The following NBEAL1 variants were observed in gnomAD, a reference collection of about 807,000 sequenced individuals.
NBEAL1 encodes the protein neurobeachin like 1.
In NBEAL1, 273 loss-of-function variants were observed where a neutral mutation model predicts 351.3. The ratio of observed to expected loss-of-function variants is 0.78; its 90% confidence interval spans 0.70 to 0.86. The LOEUF (loss-of-function observed/expected upper bound fraction) is 0.86. NBEAL1 is among the 40% of genes least tolerant of loss of function. The pLI is 0.00. For missense variants in NBEAL1, 2,961 were observed against 3,201.3 expected, an observed-to-expected ratio of 0.92 and a Z score of 1.81; for synonymous variants, 1,050 against 1,086.4, an observed-to-expected ratio of 0.97 and a Z score of 0.66.
chr2:203,085,457 C>G (rs781189293), intron 10 of NBEAL1: 1 of 152,270 alleles, frequency 6.6e-6, no homozygotes, highest in Non-Finnish European at 1.5e-5. Context: ...GTATCAGACA[C>G]TTTTCTTTTG....
Position 203,136,108 on chromosome 2 carries a change from T to C in NBEAL1, c.4245T>C (p.Ser1415=), listed in dbSNP as rs759149802. Residue 1415 remains serine (S), a synonymous_variant, in exon 28 of 56, where the codon AGT becomes AGC. Transcript: ENST00000683969. The part of the protein sequence containing the change: ...SGIDSCEMSD[S]GSQVPDSLPS... ...TTGACTCATGTGAAATGAGTGATAGTGGAAGTCAAGTGCCAGACAGTCTGC... is the reference window on the plus strand; with the variant it reads ...TTGACTCATGTGAAATGAGTGATAGCGGAAGTCAAGTGCCAGACAGTCTGC... 1 of 1,614,196 alleles carries C rather than the reference T, an allele frequency of 6.2e-7. No homozygotes were observed. Among genetic ancestry groups the C allele is most frequent in the Non-Finnish European group, 8.5e-7 (1 of 1,180,034 alleles).
chr2:203,135,188 T>C (rs1335611777), intron 27 of NBEAL1, among the ~76,000 whole-genome samples: 10 of 151,638 alleles, frequency 6.6e-5, no homozygotes, highest in Non-Finnish European at 1.0e-4. Flanking sequence ...AAAAAAAACT[T>C]AACTTTCCCT....
In NBEAL1 at chr2:203,126,107, A is replaced by G. The variant is rs768044330; in HGVS notation, c.2985+14A>G. ...TTACTTCAGAAGGTGAGCCAGTCTAACATTGTGTTGATGTAGCTAATAATT... is the reference window on the plus strand; with the variant it reads ...TTACTTCAGAAGGTGAGCCAGTCTAGCATTGTGTTGATGTAGCTAATAATT... On this transcript the variant is annotated intron_variant, in intron 21 of 55. Coordinates refer to ENST00000683969, the MANE Select transcript of NBEAL1 (RefSeq NM_001378026.1). 29 of 1,530,970 alleles carry G rather than the reference A, an allele frequency of 1.9e-5. No homozygotes were observed. Among genetic ancestry groups the G allele is most frequent in the Non-Finnish European group, 2.5e-5 (28 of 1,139,940 alleles). The allele number at this position is 1,530,970 out of a possible 1,614,324, so 94.8% of individuals were successfully genotyped here.
intron 7 of NBEAL1, among the ~76,000 whole-genome samples, chr2:203,070,592 G>T (rs557978256): frequency 1.4e-3 from 208 of 152,204 alleles, no homozygotes; most frequent in Non-Finnish European, 2.7e-3. Context: ...ATAAAGAAAA[G>T]AGGTTTAATT....
Position 203,108,181 on chromosome 2 carries a change from T to A in NBEAL1, c.1942T>A (p.Leu648Met). 2 of 1,546,968 alleles carry A rather than the reference T, an allele frequency of 1.3e-6. No individual in the cohort carries two copies. Among genetic ancestry groups the A allele is most frequent in the Non-Finnish European group, 1.7e-6 (2 of 1,143,548 alleles). Reference protein sequence around the residue: ...IANKGGKRKQLYSFFTGSGMG... With the variant: ...IANKGGKRKQMYSFFTGSGMG... ...TAACAAAGGAGGGAAAAGGAAACAA[T>A]TGTACAGGTATTGGTAAAAATTATG... Residue 648 changes from leucine (L) to methionine (M), a missense_variant, in exon 14 of 56, where the codon TTG (leucine) becomes ATG (methionine). Coordinates refer to ENST00000683969, the MANE Select transcript of NBEAL1 (RefSeq NM_001378026.1).
chr2:203,099,951 A>T (rs777156179), intron 12 of NBEAL1, among the ~76,000 whole-genome samples: 2 of 152,030 alleles, frequency 1.3e-5, no homozygotes, highest in Non-Finnish European at 2.9e-5. Flanking sequence ...TTGTGTCCAT[A>T]TGAACTCAGT....
At chr2:203,176,563 C>G (rs1322445313) in intron 42 of NBEAL1, among the ~76,000 whole-genome samples, 1 of 151,676 alleles carries the variant, frequency 6.6e-6, no homozygotes, top group Non-Finnish European at 1.5e-5. Flanking sequence ...AACCCCGTCT[C>G]TACTAAAAAT....
intron 40 of NBEAL1, among the ~76,000 whole-genome samples, chr2:203,172,353 T>C (rs2106412504): frequency 6.6e-6 from 1 of 152,144 alleles, no homozygotes; most frequent in South Asian, 2.1e-4. Context: ...AAACCCCGTC[T>C]CTACTAAAAA....
At position 203,201,727 on chromosome 2, in the gene NBEAL1, C is replaced by A; in HGVS notation, c.7411+12C>A. 1 of 1,551,020 alleles carries A rather than the reference C, an allele frequency of 6.4e-7. No homozygotes were observed. Among genetic ancestry groups the A allele is most frequent in the South Asian group, 1.2e-5 (1 of 82,710 alleles). On this transcript the variant is annotated intron_variant, in intron 50 of 55. Transcript: ENST00000683969. ...CATCCGGCATATGGGTAAGCATTAG[C>A]TTTTTTTCCAAAAATGCTCAAAAAT...
chr2:203,089,574 A>G (rs565699635), intron 10 of NBEAL1, among the ~76,000 whole-genome samples: 1 of 152,332 alleles, frequency 6.6e-6, no homozygotes, highest in South Asian at 2.1e-4. Flanking sequence ...GCTCAAACAA[A>G]TACAATAACT....
At chr2:203,132,199 C>A in intron 26 of NBEAL1, 67 bp downstream of exon 26, 1 of 960,372 alleles carries the variant, frequency 1.0e-6, no homozygotes, top group Non-Finnish European at 1.5e-6. Context: ...TTTTTCATAC[C>A]TTTCTCAGGC....
intron 34 of NBEAL1, among the ~76,000 whole-genome samples, chr2:203,150,479 G>A (rs1244547940): frequency 6.6e-6 from 1 of 151,848 alleles, no homozygotes; most frequent in Non-Finnish European, 1.5e-5. Flanking sequence ...TCATATATAT[G>A]ATTTTCAGGT....
intron 47 of NBEAL1, among the ~76,000 whole-genome samples, chr2:203,195,180 C>CAAA (rs758936224): frequency 1.6e-5 from 2 of 124,318 alleles, no homozygotes; most frequent in Non-Finnish European, 1.7e-5. Context: ...GACTCCATCT[C>CAAA]AAAAAAAAAA....
intron 51 of NBEAL1, among the ~76,000 whole-genome samples, chr2:203,206,080 T>A (rs1379196673): frequency 6.6e-6 from 1 of 152,170 alleles, no homozygotes; most frequent in East Asian, 1.9e-4. Flanking sequence ...TTCTGGAAGA[T>A]GACTCAGAGA....
At chr2:203,094,312 A>G (rs947812273) in intron 10 of NBEAL1, among the ~76,000 whole-genome samples, 1 of 152,218 alleles carries the variant, frequency 6.6e-6, no homozygotes, top group Non-Finnish European at 1.5e-5. Flanking sequence ...ATATATAAAA[A>G]TCTTTGAAAT....
At chr2:203,055,436 T>A (rs1259744771) in intron 4 of NBEAL1, among the ~76,000 whole-genome samples, 1 of 151,984 alleles carries the variant, frequency 6.6e-6, no homozygotes, top group Non-Finnish European at 1.5e-5. Flanking sequence ...GACCCTCATC[T>A]CAACAAAAAA....
intron 36 of NBEAL1, among the ~76,000 whole-genome samples, chr2:203,158,724 T>C (rs1348962403): frequency 6.6e-6 from 1 of 152,120 alleles, no homozygotes; most frequent in Non-Finnish European, 1.5e-5. Context: ...GCACTTTATT[T>C]CTTTGTGTGT....
chr2:203,059,016 T>A (rs1337486544), intron 6 of NBEAL1, among the ~76,000 whole-genome samples: 1 of 152,230 alleles, frequency 6.6e-6, no homozygotes, highest in Non-Finnish European at 1.5e-5. Flanking sequence ...CATTTTCAAC[T>A]TAACATGACC....
intron 12 of NBEAL1, among the ~76,000 whole-genome samples, chr2:203,100,970 G>A (rs2062306927): frequency 6.6e-6 from 1 of 152,152 alleles, no homozygotes; most frequent in Non-Finnish European, 1.5e-5. Context: ...TTTGTTGGAT[G>A]CATGGTTTGC....
Sources: allele counts gnomAD v4.1 joint callset (sites outside exome capture counted in the v4.1 genomes callset), GRCh38; gene constraint gnomAD v4.1.1; transcripts MANE v1.5; gene names NCBI Gene and HGNC (gene_info 2026-07-23, HGNC 2026-07-21).